The following CDH20 variants were observed in gnomAD, a reference collection of about 807,000 sequenced individuals.
CDH20 encodes the protein cadherin-20.
Under a neutral mutation model 74.2 loss-of-function variants are expected in CDH20, and 29 were observed. The ratio of observed to expected loss-of-function variants is 0.39; its 90% CI spans 0.29 to 0.53. The LOEUF (loss-of-function observed/expected upper bound fraction) is 0.53. CDH20 is among the 20% of genes least tolerant of loss of function. The pLI is 0.69. For missense variants in CDH20, 988 were observed against 1,048.3 expected (o/e 0.94, Z 0.79); for synonymous variants, 469 against 405.4 (o/e 1.16, Z -1.88).
intron 6 of CDH20, among the ~76,000 whole-genome samples, chr18:61,511,406 A>T (rs978153531): frequency 6.6e-6 from 1 of 151,788 alleles, no homozygotes; most frequent in African/African-American, 2.4e-5. Flanking sequence ...CTGGTCTCAA[A>T]CTCCTGAGCT....
chr18:61,397,377 G>A lies in CDH20; in HGVS notation c.-153+63550G>A, dbSNP rs868356472. ...CTGGCCTGGCCTACCCACTCCTGAA[G>A]CAACAAAGCACATGACTGCCTGCTG... On this transcript the variant is annotated intron_variant, in intron 1 of 11. Coordinates refer to ENST00000262717, the MANE Select transcript of CDH20 (RefSeq NM_031891.4). Among the ~76,000 whole-genome samples the A allele has an allele frequency of 3.3e-5, 5 of 152,092 alleles. No individual in the cohort carries two copies. The South Asian group carries it at 8.3e-4, about 25-fold the overall frequency.
intron 1 of CDH20, among the ~76,000 whole-genome samples, chr18:61,470,598 C>A (rs1230447336): frequency 2.0e-5 from 3 of 149,132 alleles, no homozygotes; most frequent in Admixed American, 6.7e-5. Context: ...GAGACAAGAA[C>A]CTGGAAAGAA....
At position 61,554,660 on chromosome 18, in the gene CDH20, T is replaced by C; in HGVS notation, c.2371T>C (p.Tyr791His). ...GPRFRKLAEL[Y>H]GASEGPAPLW Reference sequence around the variant, plus strand: ...CCGCTTCCGGAAGCTGGCCGAGCTCTACGGGGCGTCGGAGGGACCCGCGCC... The same window carrying C: ...CCGCTTCCGGAAGCTGGCCGAGCTCCACGGGGCGTCGGAGGGACCCGCGCC... Residue 791 changes from tyrosine (Y) to histidine (H), a missense_variant, in exon 12 of 12, where the codon TAC becomes CAC. By Grantham distance (83) the Tyr-to-His change is moderately conservative. This residue lies in a region of CDH20 where 375 missense variants were observed against 293.1 expected (regional missense o/e 1.28). Transcript: ENST00000262717. The C allele has an allele frequency of 6.3e-7, 1 of 1,592,290 alleles. No individual in the cohort carries two copies. The highest frequency in any genetic ancestry group is 8.6e-7 in the Non-Finnish European group (1 of 1,169,500).
chr18:61,507,242 TA>T (rs1911601036), intron 5 of CDH20, 130 bp from the exon 6 acceptor site: 2 of 823,528 alleles, frequency 2.4e-6, no homozygotes, highest in African/African-American at 1.7e-5. Flanking sequence ...TTTTTATCTG[TA>T]AAAACTCAAG....
intron 6 of CDH20, among the ~76,000 whole-genome samples, chr18:61,521,809 C>A (rs1912218215): frequency 6.9e-6 from 1 of 143,932 alleles, no homozygotes; most frequent in Non-Finnish European, 1.5e-5. Context: ...ATAAACAGAA[C>A]CAATGACAAA....
In CDH20 at chr18:61,507,511, A is replaced by G; in HGVS notation, c.968A>G (p.Asp323Gly). The G allele has an allele frequency of 6.2e-7, 1 of 1,613,162 alleles. No homozygotes were observed. The highest frequency in any genetic ancestry group is 1.1e-5 in the South Asian group (1 of 90,790). ...IVDGDGADAFDISTDPNFQVG... is the reference protein window; with the variant it reads ...IVDGDGADAFGISTDPNFQVG... ...GATGGAGATGGTGCAGATGCCTTTGACATTAGCACAGATCCCAATTTCCAA... is the reference window on the plus strand; with the variant it reads ...GATGGAGATGGTGCAGATGCCTTTGGCATTAGCACAGATCCCAATTTCCAA... The change falls in exon 6 of 12, where the codon GAC (aspartate) becomes GGC (glycine). Residue 323 changes from aspartate (D) to glycine (G), a missense_variant. Transcript: ENST00000262717.
At chr18:61,395,652 T>C (rs887371163) in intron 1 of CDH20, among the ~76,000 whole-genome samples, 1 of 152,248 alleles carries the variant, frequency 6.6e-6, no homozygotes, top group Non-Finnish European at 1.5e-5. Flanking sequence ...CAGATGTTAA[T>C]GTTTTGTCAT....
chr18:61,389,620 C>T (rs1911705831), intron 1 of CDH20, among the ~76,000 whole-genome samples: 3 of 152,186 alleles, frequency 2.0e-5, no homozygotes, highest in African/African-American at 7.2e-5. Context: ...GTTATGACAT[C>T]TAAGCTTAAC....
At chr18:61,380,815 A>G (rs1484521102) in intron 1 of CDH20, among the ~76,000 whole-genome samples, 28 of 146,324 alleles carry the variant, frequency 1.9e-4, no homozygotes, top group Admixed American at 1.9e-3. Context: ...ATCTCAAAAC[A>G]AAACAAAAAA....
At chr18:61,430,499 C>G (rs930556763) in intron 1 of CDH20, among the ~76,000 whole-genome samples, 1 of 152,160 alleles carries the variant, frequency 6.6e-6, no homozygotes, top group African/African-American at 2.4e-5. Flanking sequence ...ATACTGTACT[C>G]TTTGGAAGGA....
chr18:61,486,288 T>G (rs1910760664), intron 1 of CDH20, among the ~76,000 whole-genome samples: 1 of 152,154 alleles, frequency 6.6e-6, no homozygotes, highest in South Asian at 2.1e-4. Flanking sequence ...CACAAACAAA[T>G]CCAGAAATGT....
chr18:61,467,950 G>A (rs2144372273), intron 1 of CDH20, among the ~76,000 whole-genome samples: 1 of 152,270 alleles, frequency 6.6e-6, no homozygotes, highest in African/African-American at 2.4e-5. Flanking sequence ...TTATGTAGTA[G>A]ACATAGGAAC....
intron 1 of CDH20, among the ~76,000 whole-genome samples, chr18:61,402,076 T>C (rs556376994): frequency 6.6e-6 from 1 of 152,270 alleles, no homozygotes; most frequent in African/African-American, 2.4e-5. Flanking sequence ...TCTCTCACAT[T>C]TCCCCTTGAC....
chr18:61,504,283 A>T (rs772584079), intron 5 of CDH20, among the ~76,000 whole-genome samples: 45 of 152,192 alleles, frequency 3.0e-4, no homozygotes, highest in Non-Finnish European at 4.9e-4. Flanking sequence ...TGAACTGCTA[A>T]GGACTTAAGG....
At chr18:61,551,063 C>T (rs1000496594) in intron 11 of CDH20, among the ~76,000 whole-genome samples, 1 of 152,188 alleles carries the variant, frequency 6.6e-6, no homozygotes, top group Non-Finnish European at 1.5e-5. Flanking sequence ...CAGAACACTA[C>T]TGGGGTAAGG....
intron 1 of CDH20, among the ~76,000 whole-genome samples, chr18:61,446,438 A>G (rs1280754540): frequency 6.6e-6 from 1 of 152,110 alleles, no homozygotes; most frequent in Non-Finnish European, 1.5e-5. Flanking sequence ...CAAGAACTTG[A>G]ATCTTTTTCT....
intron 6 of CDH20, among the ~76,000 whole-genome samples, chr18:61,520,114 A>G (rs1191615948): frequency 6.6e-6 from 1 of 150,508 alleles, no homozygotes. Flanking sequence ...CAGGAGATCA[A>G]GACCATCCTG....
At chr18:61,538,613 TGTTTTTGTTTTG>T (rs1230787859) in intron 8 of CDH20, among the ~76,000 whole-genome samples, 892 of 47,690 alleles carry the variant, frequency 0.019, 169 homozygotes, top group African/African-American at 0.047. Flanking sequence ...TTTTTGTTTT[TGTTTTTGTTTTG>T]TTTTTTTTTT....
chr18:61,519,381 G>C (rs1382361784), intron 6 of CDH20, among the ~76,000 whole-genome samples: 1 of 151,028 alleles, frequency 6.6e-6, no homozygotes, highest in Non-Finnish European at 1.5e-5. Context: ...AGAAAGATGA[G>C]GTACCCACAA....
Sources: allele counts gnomAD v4.1 joint callset (sites outside exome capture counted in the v4.1 genomes callset), GRCh38; gene constraint gnomAD v4.1.1; regional missense constraint gnomAD v4.1.1; transcripts MANE v1.5; gene names NCBI Gene and HGNC (gene_info 2026-07-23, HGNC 2026-07-21).